TM7SF3: variants seen among roughly 807,000 people sequenced by gnomAD.
The protein encoded by TM7SF3 is transmembrane 7 superfamily member 3, also known as seven span transmembrane protein.
In TM7SF3, 60 loss-of-function variants were observed where a neutral mutation model predicts 65.5. The ratio of observed to expected loss-of-function variants is 0.92; its 90% CI spans 0.74 to 1.14. The LOEUF is 1.14. Ranked by LOEUF, TM7SF3 falls within the 50% of genes most tolerant of loss-of-function variation. The pLI is 0.00. For synonymous variants in TM7SF3, 264 were observed against 259.6 expected, an observed-to-expected ratio of 1.02 and a Z score of -0.16; for missense variants, 623 against 684.8, an observed-to-expected ratio of 0.91 and a Z score of 1.01.
At chr12:26,997,696 C>G (rs952498863) in intron 3 of TM7SF3, among the ~76,000 whole-genome samples, 2 of 152,142 alleles carry the variant, frequency 1.3e-5, no homozygotes, top group Non-Finnish European at 2.9e-5. Flanking sequence ...CACCTTCACT[C>G]CTCCATCCCT....
intron 5 of TM7SF3, among the ~76,000 whole-genome samples, chr12:26,994,611 T>G (rs1249615569): frequency 6.6e-6 from 1 of 152,196 alleles, no homozygotes; most frequent in East Asian, 1.9e-4. Context: ...CCTCCCAAAG[T>G]GCTGGGATTA....
chr12:27,003,437 A>T, intron 1 of TM7SF3, 47 bp from the exon 2 acceptor site: 1 of 1,508,618 alleles, frequency 6.6e-7, no homozygotes. Context: ...CTCTCATATC[A>T]ATTTGCAGAA....
chr12:27,004,573 C>CTT (rs927964596), intron 1 of TM7SF3, among the ~76,000 whole-genome samples: 2 of 148,352 alleles, frequency 1.3e-5, no homozygotes, highest in Non-Finnish European at 3.0e-5. Context: ...ATTTTCAACA[C>CTT]TTTTTTTTTT....
chr12:27,004,569 AAC>A (rs1940959335), intron 1 of TM7SF3, among the ~76,000 whole-genome samples: 1 of 152,138 alleles, frequency 6.6e-6, no homozygotes, highest in Non-Finnish European at 1.5e-5. Flanking sequence ...GTCAATTTTC[AAC>A]ACTTTTTTTT....
At chr12:26,993,639 C>T (rs1940470821) in intron 5 of TM7SF3, among the ~76,000 whole-genome samples, 1 of 152,192 alleles carries the variant, frequency 6.6e-6, no homozygotes, top group African/African-American at 2.4e-5. Flanking sequence ...AAGGATGCTA[C>T]TTAGACACCC....
At chr12:27,002,781 AT>A (rs1940885205) in intron 2 of TM7SF3, among the ~76,000 whole-genome samples, 1 of 152,170 alleles carries the variant, frequency 6.6e-6, no homozygotes, top group Non-Finnish European at 1.5e-5. Context: ...GAGCACTATA[AT>A]TTTTTTGTTG....
chr12:26,973,888 G>T lies in TM7SF3; in HGVS notation c.*77C>A. ...GATATATATGCCTGATCTCTTATTAGACTTGCACCAGAGACTGTTGAACCA... is the reference window on the plus strand; with the variant it reads ...GATATATATGCCTGATCTCTTATTATACTTGCACCAGAGACTGTTGAACCA... On this transcript the variant is annotated 3_prime_UTR_variant, in exon 12 of 12. Coordinates refer to ENST00000343028, the MANE Select transcript of TM7SF3 (RefSeq NM_016551.3). The T allele has an allele frequency of 6.5e-7, 1 of 1,532,470 alleles. No individual in the cohort carries two copies. Among genetic ancestry groups the T allele is most frequent in the South Asian group, 1.2e-5 (1 of 80,088 alleles). 94.9% of individuals were successfully genotyped at this position (1,532,470 alleles called of 1,614,324 possible). A position where few individuals can be genotyped will look rare whatever the true frequency, so the allele number is the denominator to read the frequency against.
At chr12:26,988,808 G>C (rs1245493544) in intron 6 of TM7SF3, among the ~76,000 whole-genome samples, 1 of 151,760 alleles carries the variant, frequency 6.6e-6, no homozygotes, top group Non-Finnish European at 1.5e-5. Context: ...GTCACACTGA[G>C]TGTGCCTGCC....
At chr12:26,996,313 A>G (rs1362123880) in intron 4 of TM7SF3, among the ~76,000 whole-genome samples, 1 of 152,234 alleles carries the variant, frequency 6.6e-6, no homozygotes, top group African/African-American at 2.4e-5. Context: ...AACACTCAGC[A>G]CCACGGACAA....
chr12:27,010,426 C>T (rs115494773), intron 1 of TM7SF3, among the ~76,000 whole-genome samples: 2,107 of 152,192 alleles, frequency 0.014, 57 homozygotes, highest in African/African-American at 0.048. Context: ...AAGAGACTTC[C>T]GAAGAGTGAC....
rs143477328 is a variant in TM7SF3, at chr12:26,990,618, G to C, written c.700C>G (p.Leu234Val). ...VKASALKVVT[L>V]TANDKTSVSF... ...ACACTTGTCTTATCATTAGCTGTTAGGGTAACCACCTGAAGCCAAAAATAA... is the reference window on the plus strand; with the variant it reads ...ACACTTGTCTTATCATTAGCTGTTACGGTAACCACCTGAAGCCAAAAATAA... The change falls in exon 6 of 12, where the codon CTA (leucine) becomes GTA (valine). Residue 234 changes from leucine (L) to valine (V), a missense_variant. Coordinates refer to ENST00000343028, the MANE Select transcript of TM7SF3 (RefSeq NM_016551.3). The C allele has an allele frequency of 6.8e-6, 11 of 1,612,940 alleles. No individual in the cohort carries two copies. In the African/African-American group the frequency reaches 1.3e-4, roughly 20 times the overall value.
At chr12:26,976,169 T>C in intron 10 of TM7SF3, 91 bp downstream of exon 10, 1 of 1,003,892 alleles carries the variant, frequency 1.0e-6, no homozygotes, top group Non-Finnish European at 1.5e-6. Context: ...CCCTCCCCAG[T>C]GAATAAAACA....
At chr12:26,995,008 G>T (rs746856048) in intron 5 of TM7SF3, among the ~76,000 whole-genome samples, 47 of 152,178 alleles carry the variant, frequency 3.1e-4, no homozygotes, top group African/African-American at 2.4e-5. Flanking sequence ...AGTCACAGAT[G>T]TGGCTGCAAC....
At chr12:27,001,177 C>T (rs557377873) in intron 2 of TM7SF3, among the ~76,000 whole-genome samples, 1 of 152,198 alleles carries the variant, frequency 6.6e-6, no homozygotes, top group African/African-American at 2.4e-5. Context: ...TTTACACAGA[C>T]CACTCACTTC....
chr12:27,004,536 C>T (rs566644311), intron 1 of TM7SF3, among the ~76,000 whole-genome samples: 3 of 151,882 alleles, frequency 2.0e-5, no homozygotes, highest in Non-Finnish European at 4.4e-5. Flanking sequence ...ATAACACATT[C>T]TTATATACCA....
At chr12:27,001,142 G>T (rs1251334783) in intron 2 of TM7SF3, among the ~76,000 whole-genome samples, 2 of 152,038 alleles carry the variant, frequency 1.3e-5, no homozygotes, top group Non-Finnish European at 2.9e-5. Flanking sequence ...TATTAGGAAG[G>T]GCACAGGAAA....
At chr12:26,998,761 C>T (rs923352357) in intron 3 of TM7SF3, among the ~76,000 whole-genome samples, 1 of 152,180 alleles carries the variant, frequency 6.6e-6, no homozygotes, top group African/African-American at 2.4e-5. Context: ...CTAGAGTTAG[C>T]TTTCTAAGAG....
chr12:26,974,018 C>T lies in TM7SF3; in HGVS notation c.1660G>A (p.Gly554Arg), dbSNP rs915675266. 5.6e-6 allele frequency: 9 copies of T among 1,614,042 alleles called. No homozygotes were observed. In the Admixed American group the frequency reaches 6.7e-5, roughly 12 times the overall value. ...RLYGRLTQIK[G>R]LFQKEQPAGE... ...GCTGGCTGCTCCTTCTGGAAGAGCC[C>T]TTTAATCTGGGTTAATCGGCCATAG... The change falls in exon 12 of 12, where the codon GGG becomes AGG. Residue 554 changes from glycine (G) to arginine (R), a missense_variant. By Grantham distance (125) the Gly-to-Arg change is moderately radical (BLOSUM62 -2). Transcript: ENST00000343028.
At chr12:26,996,651 G>T in intron 4 of TM7SF3, 91 bp downstream of exon 4, 2 of 1,358,380 alleles carry the variant, frequency 1.5e-6, no homozygotes, top group Non-Finnish European at 2.0e-6. Context: ...TTACTACAGA[G>T]AATTAGGGAC....
Sources: allele counts gnomAD v4.1 joint callset (sites outside exome capture counted in the v4.1 genomes callset), GRCh38; gene constraint gnomAD v4.1.1; transcripts MANE v1.5; gene names NCBI Gene and HGNC (gene_info 2026-07-23, HGNC 2026-07-21).